The following HSD17B11 variants were observed in gnomAD, a reference collection of about 807,000 sequenced individuals.
The protein encoded by HSD17B11 is hydroxysteroid 17-beta dehydrogenase 11.
HSD17B11 carries 22 observed loss-of-function variants against 27.8 expected under a neutral mutation model. That is an observed-to-expected ratio of 0.79 (90% CI 0.56 to 1.13). The LOEUF (loss-of-function observed/expected upper bound fraction) is 1.13. Ranked by LOEUF, HSD17B11 falls within the 50% of genes most tolerant of loss-of-function variation. The pLI is 0.00. For synonymous variants in HSD17B11, 117 were observed against 132.8 expected (o/e 0.88, Z 0.82); for missense variants, 314 against 351.1 (o/e 0.89, Z 0.84).
chr4:87,378,671 C>CCA (rs1225418940), intron 2 of HSD17B11, among the ~76,000 whole-genome samples: 3 of 148,900 alleles, frequency 2.0e-5, no homozygotes, highest in Non-Finnish European at 4.4e-5. Context: ...CTTCCCTACA[C>CCA]CACCTCTACC....
chr4:87,378,867 AAT>A (rs1213867988), intron 2 of HSD17B11, among the ~76,000 whole-genome samples: 869 of 13,258 alleles, frequency 0.066, 55 homozygotes, highest in Non-Finnish European at 0.098. Flanking sequence ...AATATATATA[AAT>A]ATATATATAT....
intron 4 of HSD17B11, among the ~76,000 whole-genome samples, chr4:87,368,935 G>C (rs1735657855): frequency 6.6e-6 from 1 of 152,172 alleles, no homozygotes; most frequent in South Asian, 2.1e-4. Flanking sequence ...GCAACCAGCA[G>C]CCCTTAGGGC....
chr4:87,356,666 C>T (rs1262715051), intron 5 of HSD17B11, among the ~76,000 whole-genome samples: 3 of 152,106 alleles, frequency 2.0e-5, no homozygotes, highest in Non-Finnish European at 4.4e-5. Context: ...AAGTATGCAT[C>T]ATGTTTACAA....
chr4:87,376,739 G>A (rs1735833509), intron 2 of HSD17B11, among the ~76,000 whole-genome samples: 1 of 152,154 alleles, frequency 6.6e-6, no homozygotes, highest in Non-Finnish European at 1.5e-5. Context: ...AAAGGTTGTT[G>A]CAGCTATCAT....
chr4:87,382,254 CCTT>C lies in HSD17B11; in HGVS notation c.316_318del (p.Lys106del), dbSNP rs1578047473. ...GATTCTAACTAAACACAACATTTCA[CCTT>C]CTTTGCAGAGCTGTAAATATCTTCT... is the stretch of plus-strand genomic sequence containing the variant. On this transcript the variant is annotated inframe_deletion and splice_region_variant, in exon 2 of 7. Transcript: ENST00000358290. The C allele has an allele frequency of 6.2e-7, 1 of 1,607,350 alleles. No individual in the cohort carries two copies. The highest frequency in any genetic ancestry group is 1.3e-5 in the African/African-American group (1 of 74,790).
chr4:87,357,895 A>G (rs193039665), intron 4 of HSD17B11, among the ~76,000 whole-genome samples: 1 of 147,468 alleles, frequency 6.8e-6, no homozygotes, highest in Admixed American at 6.8e-5. Context: ...AGTAATTTTC[A>G]GTTTTCTATG....
At chr4:87,339,059 A>G (rs1287747234) in intron 6 of HSD17B11, among the ~76,000 whole-genome samples, 1 of 152,226 alleles carries the variant, frequency 6.6e-6, no homozygotes, top group Non-Finnish European at 1.5e-5. Context: ...AATTTATTCA[A>G]TCAACAAACA....
In HSD17B11 at chr4:87,337,279, T is replaced by C. The variant is rs1164455466; in HGVS notation, c.900A>G (p.Gln300=). The change falls in exon 7 of 7, where the codon CAA becomes CAG. Residue 300 remains glutamine, a synonymous_variant. Coordinates refer to ENST00000358290, the MANE Select transcript of HSD17B11 (RefSeq NM_016245.5). ...DAVIGYKMKA[Q] The stretch of plus-strand genomic sequence containing the variant: ...CAGTTTTCAGAAAACTAGGTGCTTA[T>C]TGCGCTTTCATTTTATATCCAATAA... The C allele has an allele frequency of 1.3e-6, 2 of 1,588,840 alleles. No individual in the cohort carries two copies. The highest frequency in any genetic ancestry group is 1.7e-6 in the Non-Finnish European group (2 of 1,158,246).
At chr4:87,375,700 C>T (rs1735808910) in intron 2 of HSD17B11, among the ~76,000 whole-genome samples, 1 of 152,220 alleles carries the variant, frequency 6.6e-6, no homozygotes, top group African/African-American at 2.4e-5. Flanking sequence ...GAGATCGCGC[C>T]ATCGCACTCC....
chr4:87,376,542 A>C (rs1405801820), intron 2 of HSD17B11, among the ~76,000 whole-genome samples: 1 of 133,642 alleles, frequency 7.5e-6, no homozygotes, highest in East Asian at 1.9e-4. Flanking sequence ...CAAACAAAAA[A>C]CCCCCAAAAT....
intron 5 of HSD17B11, 146 bp downstream of exon 5, chr4:87,357,133 T>G (rs1434629203): frequency 4.5e-6 from 4 of 885,502 alleles, no homozygotes; most frequent in Non-Finnish European, 6.6e-6. Context: ...CCACCTGTTT[T>G]CCCACAATCT....
intron 4 of HSD17B11, among the ~76,000 whole-genome samples, chr4:87,359,460 C>T (rs1049412707): frequency 3.3e-5 from 5 of 152,192 alleles, no homozygotes; most frequent in South Asian, 4.1e-4. Flanking sequence ...CTTCTGTGCT[C>T]AAGCAATCCT....
intron 2 of HSD17B11, among the ~76,000 whole-genome samples, chr4:87,378,825 TATATAA>T (rs1719999024): frequency 3.8e-5 from 1 of 26,398 alleles, no homozygotes; most frequent in Non-Finnish European, 7.4e-5. Flanking sequence ...ATAAAATATA[TATATAA>T]ATATATATAT....
chr4:87,342,396 A>T (rs1735186576), intron 5 of HSD17B11, among the ~76,000 whole-genome samples: 1 of 151,838 alleles, frequency 6.6e-6, no homozygotes, highest in African/African-American at 2.4e-5. Flanking sequence ...AAAAAAAAAA[A>T]AAAGAAGTGA....
chr4:87,386,392 G>A (rs1057402406), intron 1 of HSD17B11, among the ~76,000 whole-genome samples: 8 of 151,892 alleles, frequency 5.3e-5, no homozygotes, highest in Admixed American at 3.3e-4. Context: ...TAGGAGAAAC[G>A]GGGTTTCACC....
intron 6 of HSD17B11, 87 bp from the exon 7 acceptor site, chr4:87,337,453 C>A: frequency 1.4e-6 from 1 of 738,592 alleles, no homozygotes; most frequent in South Asian, 1.6e-5. Context: ...TTTAAGTTAT[C>A]ATGTATAGTC....
intron 4 of HSD17B11, among the ~76,000 whole-genome samples, chr4:87,357,879 T>C (rs1360560531): frequency 6.6e-6 from 1 of 151,484 alleles, no homozygotes; most frequent in Non-Finnish European, 1.5e-5. Context: ...TATTTTCTCA[T>C]TATATAGTAA....
intron 2 of HSD17B11, among the ~76,000 whole-genome samples, chr4:87,375,258 G>A (rs1198967807): frequency 2.0e-5 from 3 of 152,160 alleles, no homozygotes; most frequent in Non-Finnish European, 4.4e-5. Flanking sequence ...TGCAATCCAT[G>A]TGTCAACAGG....
intron 1 of HSD17B11, among the ~76,000 whole-genome samples, chr4:87,384,850 T>TA (rs1720266461): frequency 6.6e-6 from 1 of 152,062 alleles, no homozygotes; most frequent in Non-Finnish European, 1.5e-5. Flanking sequence ...TCTTTGTACC[T>TA]ACTCCCTGTT....
Sources: gnomAD v4.1 joint callset for allele counts (sites outside exome capture counted in the v4.1 genomes callset) on GRCh38, gnomAD v4.1.1 for gene constraint, MANE v1.5 for transcripts, NCBI Gene and HGNC (gene_info 2026-07-23, HGNC 2026-07-21) for gene names.